The following CELSR1 variants were observed in gnomAD, a reference collection of about 807,000 sequenced individuals.
CELSR1 encodes adhesion G protein-coupled receptor C1.
In CELSR1, 110 loss-of-function variants were observed where a neutral mutation model predicts 249.1. The ratio of observed to expected loss-of-function variants is 0.44; its 90% confidence interval spans 0.38 to 0.52. The LOEUF (loss-of-function observed/expected upper bound fraction) is 0.52, where lower values mean the gene tolerates loss of function less well. CELSR1 is among the 20% of genes least tolerant of loss of function. The pLI is 0.00. For missense variants in CELSR1, 4,109 were observed against 4,296.4 expected (o/e 0.96, Z 1.22); for synonymous variants, 2,113 against 1,900.0 (o/e 1.11, Z -2.92).
At chr22:46,455,909 C>T (rs889446728) in intron 2 of CELSR1, among the ~76,000 whole-genome samples, 1 of 152,244 alleles carries the variant, frequency 6.6e-6, no homozygotes, top group African/African-American at 2.4e-5. Flanking sequence ...CCCAGCTTTA[C>T]AGCTACGTAC....
Position 46,510,393 on chromosome 22 carries a change from G to A in CELSR1, c.3544+23234C>T, listed in dbSNP as rs114158721. 3.9e-3 allele frequency among the ~76,000 whole-genome samples: 597 copies of A among 152,158 alleles called. 3 individuals are homozygous for A. The highest frequency in any genetic ancestry group is 0.014 in the African/African-American group (571 of 41,506). The stretch of plus-strand genomic sequence containing the variant: ...CACCCCCTTCCCGGAGCTTCCCCTT[G>A]GAGGTAATTAAAGTGAGCCAGACAC... On this transcript the variant is annotated intron_variant, in intron 1 of 34. Coordinates refer to ENST00000674500, the MANE Select transcript of CELSR1 (RefSeq NM_001378328.1).
intron 2 of CELSR1, among the ~76,000 whole-genome samples, chr22:46,456,308 G>A (rs1416668340): frequency 6.6e-6 from 1 of 152,226 alleles, no homozygotes; most frequent in Non-Finnish European, 1.5e-5. Context: ...TGCAGGCTGG[G>A]AGGGATGAGT....
chr22:46,476,790 G>A (rs974850149), intron 1 of CELSR1, among the ~76,000 whole-genome samples: 1 of 152,062 alleles, frequency 6.6e-6, no homozygotes, highest in Non-Finnish European at 1.5e-5. Context: ...GACCAGAAGT[G>A]ATTAAGCTTA....
chr22:46,371,613 C>CCAAT (rs2078852047), intron 25 of CELSR1, among the ~76,000 whole-genome samples: 1 of 151,822 alleles, frequency 6.6e-6, no homozygotes, highest in East Asian at 1.9e-4. Context: ...CCATTAGCTA[C>CCAAT]CAATCCATCC....
intron 1 of CELSR1, among the ~76,000 whole-genome samples, chr22:46,529,494 C>CA (rs1037008653): frequency 2.7e-5 from 4 of 150,604 alleles, no homozygotes; most frequent in Admixed American, 1.3e-4. Flanking sequence ...TCAATGGGTA[C>CA]AAAAAAATAG....
chr22:46,411,763 T>C lies in CELSR1; in HGVS notation c.4612-4A>G, dbSNP rs999808410. ...GGCCCAGGTGGCCAATATTGGGCTG[T>C]AAGAAGAGAAAGCACAGAAGGTGTC... On this transcript the variant is annotated splice_region_variant and splice_polypyrimidine_tract_variant and intron_variant, in intron 5 of 34. Coordinates refer to ENST00000674500, the MANE Select transcript of CELSR1 (RefSeq NM_001378328.1). This position sits in a 1 kb window ranked among gnomAD's most constrained non-coding sequence, Gnocchi z 4.2. 1 of 1,613,994 alleles carries C rather than the reference T, an allele frequency of 6.2e-7. No individual in the cohort carries two copies. Among genetic ancestry groups the C allele is most frequent in the Admixed American group, 1.7e-5 (1 of 60,030 alleles).
At position 46,409,707 on chromosome 22, in the gene CELSR1, C is replaced by T. The variant is rs763400495; in HGVS notation, c.5059+48G>A. On this transcript the variant is annotated intron_variant, in intron 8 of 34. Transcript: ENST00000674500. This position sits in a 1 kb window ranked among gnomAD's most constrained non-coding sequence, Gnocchi z 9.8. ...GTCCCGGGCACATCAAGGAGCAATG[C>T]CTCCCAGGCCGCCGTGACCGGGGGG... The T allele has an allele frequency of 1.2e-6, 2 of 1,605,402 alleles. No homozygotes were observed. Among genetic ancestry groups the T allele is most frequent in the South Asian group, 2.2e-5 (2 of 91,002 alleles).
At chr22:46,519,478 A>C (rs2080662708) in intron 1 of CELSR1, among the ~76,000 whole-genome samples, 1 of 152,212 alleles carries the variant, frequency 6.6e-6, no homozygotes, top group Non-Finnish European at 1.5e-5. Context: ...ACGATTTGGG[A>C]GCCCCCGGGT....
chr22:46,517,470 T>C lies in CELSR1; in HGVS notation c.3544+16157A>G, dbSNP rs2080639909. The stretch of plus-strand genomic sequence containing the variant: ...CTTCCACGGGGCACAAGGCGGTATC[T>C]GGAGGGTAGAACCACAATGGCTGAT... On this transcript the variant is annotated intron_variant, in intron 1 of 34. Transcript: ENST00000674500. This position sits in a 1 kb window ranked among gnomAD's most constrained non-coding sequence, Gnocchi z 5.4. 6.6e-6 allele frequency among the ~76,000 whole-genome samples: 1 copy of C among 152,182 alleles called. No homozygotes were observed. Among genetic ancestry groups the C allele is most frequent in the South Asian group, 2.1e-4 (1 of 4,828 alleles).
chr22:46,390,169 T>C lies in CELSR1; in HGVS notation c.6345+223A>G, dbSNP rs112537366. 0.015 allele frequency among the ~76,000 whole-genome samples: 2,262 copies of C among 152,246 alleles called. 54 individuals are homozygous for C. Among genetic ancestry groups the C allele is most frequent in the African/African-American group, 0.051 (2,128 of 41,536 alleles). ...ACCAAAGACACAGAGCTGGGTCCTCTGGGGGAGAGAAGTCCACGTGGGGGT... is the reference window on the plus strand; with the variant it reads ...ACCAAAGACACAGAGCTGGGTCCTCCGGGGGAGAGAAGTCCACGTGGGGGT... On this transcript the variant is annotated intron_variant, in intron 17 of 34. Coordinates refer to ENST00000674500, the MANE Select transcript of CELSR1 (RefSeq NM_001378328.1). The surrounding 1 kb of genome is among the most constrained non-coding windows in gnomAD (Gnocchi z 6.3).
chr22:46,507,665 A>G (rs555139558), intron 1 of CELSR1, among the ~76,000 whole-genome samples: 37 of 152,142 alleles, frequency 2.4e-4, no homozygotes, highest in African/African-American at 8.2e-4. Flanking sequence ...GTCTGGGCTC[A>G]CAGGCTGCAG....
chr22:46,396,591 G>A lies in CELSR1; in HGVS notation c.5843+14C>T, dbSNP rs778946064. The A allele has an allele frequency of 6.5e-7, 1 of 1,546,580 alleles. No homozygotes were observed. Among genetic ancestry groups the A allele is most frequent in the South Asian group, 1.3e-5 (1 of 79,826 alleles). Reference sequence around the variant, plus strand: ...ACTCTGAAGGTGCAGGGAGGCACCAGGGGCTGCTCTTACTTGTTCTCACAG... The same window carrying A: ...ACTCTGAAGGTGCAGGGAGGCACCAAGGGCTGCTCTTACTTGTTCTCACAG... On this transcript the variant is annotated intron_variant, in intron 13 of 34. Transcript: ENST00000674500. The surrounding 1 kb of genome is among the most constrained non-coding windows in gnomAD (Gnocchi z 6.4).
chr22:46,487,409 G>C (rs115763164), intron 1 of CELSR1, among the ~76,000 whole-genome samples: 2 of 147,994 alleles, frequency 1.4e-5, no homozygotes, highest in Non-Finnish European at 3.0e-5. Flanking sequence ...AAACATTTGC[G>C]GGCCCTGTGT....
In CELSR1 at chr22:46,380,689, G is replaced by A. The variant is rs2078968098; in HGVS notation, c.7256+99C>T. The A allele has an allele frequency of 3.6e-6, 5 of 1,389,718 alleles. No homozygotes were observed. Among genetic ancestry groups the A allele is most frequent in the African/African-American group, 1.4e-5 (1 of 69,958 alleles). 86.1% of individuals were successfully genotyped at this position (1,389,718 alleles called of 1,614,324 possible). A position where few individuals can be genotyped will look rare whatever the true frequency, so the allele number is the denominator to read the frequency against. ...TAAAGGGGAAACACAGACCACAAGA[G>A]ACCGTCCTCTTGGGGCGCTCTGCCA... is the stretch of plus-strand genomic sequence containing the variant. On this transcript the variant is annotated intron_variant, in intron 22 of 34. Transcript: ENST00000674500. The surrounding 1 kb of genome is among the most constrained non-coding windows in gnomAD (Gnocchi z 5.1).
intron 5 of CELSR1, among the ~76,000 whole-genome samples, chr22:46,432,333 G>A (rs896459717): frequency 5.9e-5 from 9 of 152,228 alleles, no homozygotes; most frequent in African/African-American, 2.2e-4. Flanking sequence ...CACAGTGGCT[G>A]TGAAAGAAGG....
At position 46,500,622 on chromosome 22, in the gene CELSR1, T is replaced by C. The variant is rs1297417920; in HGVS notation, c.3544+33005A>G. Among the ~76,000 whole-genome samples the C allele has an allele frequency of 6.6e-6, 1 of 152,206 alleles. No homozygotes were observed. The highest frequency in any genetic ancestry group is 1.5e-5 in the Non-Finnish European group (1 of 68,040). On this transcript the variant is annotated intron_variant, in intron 1 of 34. Coordinates refer to ENST00000674500, the MANE Select transcript of CELSR1 (RefSeq NM_001378328.1). This position sits in a 1 kb window ranked among gnomAD's most constrained non-coding sequence, Gnocchi z 4.9. ...CCGAGCTAGCCCACACCTGTGTTTTTTGATCTCTGGGGGAGTTTACAACAA... is the reference window on the plus strand; with the variant it reads ...CCGAGCTAGCCCACACCTGTGTTTTCTGATCTCTGGGGGAGTTTACAACAA...
chr22:46,476,861 G>A (rs2080214035), intron 1 of CELSR1, among the ~76,000 whole-genome samples: 1 of 80,582 alleles, frequency 1.2e-5, no homozygotes, highest in African/African-American at 3.5e-5. Flanking sequence ...AGGAGAGGTT[G>A]CACATCGTGA....
Position 46,413,255 on chromosome 22 carries a change from C to T in CELSR1, c.4612-1496G>A, listed in dbSNP as rs1367275421. On this transcript the variant is annotated intron_variant, in intron 5 of 34. Coordinates refer to ENST00000674500, the MANE Select transcript of CELSR1 (RefSeq NM_001378328.1). This position sits in a 1 kb window ranked among gnomAD's most constrained non-coding sequence, Gnocchi z 4.7. ...AAAGTATCTATTTTGATCAGGGAAA[C>T]GAGGCTGAAAAGCAGGACACACAAC... Among the ~76,000 whole-genome samples, 1 of 152,136 alleles carries T rather than the reference C, an allele frequency of 6.6e-6. No homozygotes were observed. The highest frequency in any genetic ancestry group is 6.5e-5 in the Admixed American group (1 of 15,280).
intron 1 of CELSR1, among the ~76,000 whole-genome samples, chr22:46,478,301 C>T (rs1462849738): frequency 6.6e-6 from 1 of 152,210 alleles, no homozygotes; most frequent in Non-Finnish European, 1.5e-5. Context: ...CTCTTCCCTG[C>T]CAGAACCAGA....
Sources: allele counts gnomAD v4.1 joint callset (sites outside exome capture counted in the v4.1 genomes callset), GRCh38; gene constraint gnomAD v4.1.1; non-coding constraint Gnocchi (gnomAD v3.1); transcripts MANE v1.5; gene names NCBI Gene and HGNC (gene_info 2026-07-23, HGNC 2026-07-21).